SATB2: variants seen among roughly 807,000 people sequenced by gnomAD.
The protein encoded by SATB2 is DNA-binding protein SATB2.
A neutral mutation model predicts 73.4 loss-of-function variants in SATB2; 1 was observed. The observed-to-expected ratio is 0.01, with a 90% confidence interval of 0.00 to 0.06. The LOEUF is 0.06. Ranked by LOEUF, SATB2 falls within the 10% of genes least tolerant of loss-of-function variation. The pLI is 1.00. For missense variants in SATB2, 459 were observed against 945.8 expected, an observed-to-expected ratio of 0.49 and a Z score of 6.75; for synonymous variants, 397 against 367.0, an observed-to-expected ratio of 1.08 and a Z score of -0.93.
At chr2:199,445,175 T>A (rs1461564430) in intron 2 of SATB2, among the ~76,000 whole-genome samples, 1 of 152,172 alleles carries the variant, frequency 6.6e-6, no homozygotes, top group Non-Finnish European at 1.5e-5. Flanking sequence ...AACAGTCCCG[T>A]TATGGAGCTG....
chr2:199,450,419 A>T (rs1692090271), intron 2 of SATB2, among the ~76,000 whole-genome samples: 2 of 152,146 alleles, frequency 1.3e-5, no homozygotes, highest in Admixed American at 1.3e-4. Flanking sequence ...ATGTTACCAT[A>T]TATTAGTTAT....
chr2:199,338,686 G>A (rs1041453779), intron 7 of SATB2, among the ~76,000 whole-genome samples: 47 of 152,126 alleles, frequency 3.1e-4, no homozygotes, highest in African/African-American at 1.1e-3. Flanking sequence ...GGGAAGCTGA[G>A]GTGGGTGACT....
At chr2:199,321,503 C>T (rs1687889359) in intron 9 of SATB2, among the ~76,000 whole-genome samples, 1 of 150,616 alleles carries the variant, frequency 6.6e-6, no homozygotes, top group Non-Finnish European at 1.5e-5. Flanking sequence ...TGTATATACA[C>T]ATACATGTAT....
intron 7 of SATB2, chr2:199,347,784 C>T (rs1688697866): frequency 1.3e-5 from 2 of 152,192 alleles, no homozygotes; most frequent in African/African-American, 4.8e-5. Context: ...CTGGTTTTCA[C>T]CACTAGATCG....
At chr2:199,354,072 T>C (rs781609129) in intron 6 of SATB2, among the ~76,000 whole-genome samples, 3 of 152,094 alleles carry the variant, frequency 2.0e-5, no homozygotes, top group Non-Finnish European at 4.4e-5. Context: ...AAAACACAAC[T>C]GCTGGCCCGG....
chr2:199,314,722 C>G (rs1218708574), intron 9 of SATB2, among the ~76,000 whole-genome samples: 2 of 151,988 alleles, frequency 1.3e-5, no homozygotes, highest in Non-Finnish European at 2.9e-5. Context: ...ATAGATTTCA[C>G]CAGGTGGGGA....
chr2:199,382,043 GTTCTT>G (rs1444485068), intron 3 of SATB2, among the ~76,000 whole-genome samples: 1 of 152,068 alleles, frequency 6.6e-6, no homozygotes, highest in African/African-American at 2.4e-5. Context: ...CAGACAATCA[GTTCTT>G]TTATGTTTTC....
At chr2:199,446,974 T>C (rs1163632047) in intron 2 of SATB2, among the ~76,000 whole-genome samples, 55 of 152,148 alleles carry the variant, frequency 3.6e-4, no homozygotes, top group Non-Finnish European at 1.5e-5. Flanking sequence ...GAGTAAAACC[T>C]GGAGCTCTGA....
At chr2:199,288,510 T>C (rs141661049) in intron 10 of SATB2, among the ~76,000 whole-genome samples, 1 of 152,292 alleles carries the variant, frequency 6.6e-6, no homozygotes, top group African/African-American at 2.4e-5. Context: ...AATCCCACAT[T>C]AGGCCACATT....
intron 3 of SATB2, among the ~76,000 whole-genome samples, chr2:199,423,128 C>T (rs183599608): frequency 9.6e-4 from 146 of 152,114 alleles, no homozygotes; most frequent in Non-Finnish European, 5.9e-4. Flanking sequence ...TAGTTCTAGA[C>T]GAAATGGAGA....
At chr2:199,380,598 T>C (rs144635742) in intron 4 of SATB2, 111 bp from the exon 5 acceptor site, 2 of 1,338,004 alleles carry the variant, frequency 1.5e-6, no homozygotes, top group African/African-American at 2.8e-5. Flanking sequence ...TCAGAAGAAA[T>C]GCTAAAGAAT....
upstream of SATB2, among the ~76,000 whole-genome samples, chr2:199,462,514 G>A (rs1171916035): frequency 6.6e-6 from 1 of 152,182 alleles, no homozygotes; most frequent in Non-Finnish European, 1.5e-5. The surrounding 1 kb of genome is among the most constrained non-coding windows in gnomAD (Gnocchi z 5.9). Flanking sequence ...AGAGTGCTCC[G>A]GGCGTCTGGG....
At chr2:199,469,219 G>A (rs1349619454), upstream of SATB2, among the ~76,000 whole-genome samples, 1 of 152,128 alleles carries the variant, frequency 6.6e-6, no homozygotes, top group African/African-American at 2.4e-5. Context: ...AACCGGAAAG[G>A]GTGCTGCCCC....
chr2:199,288,022 CCTT>C (rs1393844287), intron 10 of SATB2, among the ~76,000 whole-genome samples: 2 of 152,090 alleles, frequency 1.3e-5, no homozygotes, highest in African/African-American at 4.8e-5. Flanking sequence ...TGAATAAACA[CCTT>C]CAACTAAAAT....
intron 3 of SATB2, among the ~76,000 whole-genome samples, chr2:199,410,653 G>T (rs1226413412): frequency 6.6e-6 from 1 of 152,156 alleles, no homozygotes; most frequent in Non-Finnish European, 1.5e-5. Flanking sequence ...TAACTTTATG[G>T]AATATTTAGA....
intron 2 of SATB2, among the ~76,000 whole-genome samples, chr2:199,453,514 TTACTC>T (rs1692189016): frequency 6.6e-6 from 1 of 151,970 alleles, no homozygotes; most frequent in African/African-American, 2.4e-5. Context: ...TACTTTATAT[TTACTC>T]TATGTTCAAA....
At chr2:199,337,388 G>A (rs545059555) in intron 7 of SATB2, among the ~76,000 whole-genome samples, 8 of 152,224 alleles carry the variant, frequency 5.3e-5, no homozygotes, top group African/African-American at 1.9e-4. Flanking sequence ...TCAAACATGG[G>A]TCATAATTAT....
At position 199,414,352 on chromosome 2, in the gene SATB2, G is replaced by A. The variant is rs142747956; in HGVS notation, c.346+18986C>T. ...ATAGCCACGGTACTTGTGTGCTCTC[G>A]TAGGCAAGGGCACCTTCAGGTCAGG... On this transcript the variant is annotated intron_variant, in intron 3 of 10. Transcript: ENST00000417098. Among the ~76,000 whole-genome samples, 172 of 152,248 alleles carry A rather than the reference G, an allele frequency of 1.1e-3. 4 individuals carry two copies. In the East Asian group the frequency reaches 0.027, roughly 24 times the overall value.
At chr2:199,371,191 T>C (rs985663418) in intron 5 of SATB2, among the ~76,000 whole-genome samples, 1 of 152,182 alleles carries the variant, frequency 6.6e-6, no homozygotes, top group Non-Finnish European at 1.5e-5. Context: ...CCATGTTATA[T>C]CTGATTATTC....
Sources: allele counts gnomAD v4.1 joint callset (sites outside exome capture counted in the v4.1 genomes callset), GRCh38; gene constraint gnomAD v4.1.1; non-coding constraint Gnocchi (gnomAD v3.1); transcripts MANE v1.5; gene names NCBI Gene and HGNC (gene_info 2026-07-23, HGNC 2026-07-21).